The following CYP39A1 variants were observed in gnomAD, a reference collection of about 807,000 sequenced individuals.
CYP39A1 encodes the protein cytochrome P450 family 39 subfamily A member 1, also known as 24-hydroxycholesterol 7-alpha-hydroxylase.
In CYP39A1, 49 loss-of-function variants were observed where a neutral mutation model predicts 58.1. The observed-to-expected ratio is 0.84, with a 90% CI of 0.67 to 1.07. The LOEUF (loss-of-function observed/expected upper bound fraction) is 1.07. CYP39A1 is among the 50% of genes least tolerant of loss of function. The pLI is 0.00. For missense variants in CYP39A1, 531 were observed against 539.4 expected (o/e 0.98, Z 0.16); for synonymous variants, 209 against 187.6 (o/e 1.11, Z -0.93).
chr6:46,644,226 T>G (rs978728932), intron 1 of CYP39A1, among the ~76,000 whole-genome samples: 4 of 152,208 alleles, frequency 2.6e-5, no homozygotes, highest in South Asian at 4.1e-4. Flanking sequence ...AACAGAAGCA[T>G]TTAGTATACA....
At chr6:46,599,859 C>G (rs1368527403) in intron 7 of CYP39A1, among the ~76,000 whole-genome samples, 1 of 152,148 alleles carries the variant, frequency 6.6e-6, no homozygotes, top group Non-Finnish European at 1.5e-5. Context: ...ACACAGAACT[C>G]TTCACTTGCC....
Position 46,574,987 on chromosome 6 carries a change from C to T in CYP39A1, c.1250+12090G>A, listed in dbSNP as rs141227106. Among the ~76,000 whole-genome samples, 757 of 151,956 alleles carry T rather than the reference C, an allele frequency of 5.0e-3. 4 individuals are homozygous for T. The highest frequency in any genetic ancestry group is 0.018 in the South Asian group (88 of 4,802). On this transcript the variant is annotated intron_variant, in intron 10 of 11. Coordinates refer to ENST00000275016, the MANE Select transcript of CYP39A1 (RefSeq NM_016593.5). ...AGAGTGGACACAAAAAGGACACAGACCATAGGCTGAAAGTAGAGAAAGTTG... is the reference window on the plus strand; with the variant it reads ...AGAGTGGACACAAAAAGGACACAGATCATAGGCTGAAAGTAGAGAAAGTTG...
At chr6:46,550,682 C>T (rs991786319) in intron 11 of CYP39A1, among the ~76,000 whole-genome samples, 9 of 152,150 alleles carry the variant, frequency 5.9e-5, no homozygotes, top group African/African-American at 2.2e-4. Context: ...CACCTGAAGG[C>T]TATAGGCCTG....
At chr6:46,575,957 G>C (rs1219669663) in intron 10 of CYP39A1, among the ~76,000 whole-genome samples, 1 of 152,148 alleles carries the variant, frequency 6.6e-6, no homozygotes, top group East Asian at 1.9e-4. Context: ...AATTTATGAA[G>C]AAAAAAGGTT....
intron 6 of CYP39A1, among the ~76,000 whole-genome samples, chr6:46,627,629 A>G (rs966850388): frequency 5.3e-5 from 8 of 152,058 alleles, no homozygotes; most frequent in African/African-American, 1.9e-4. Context: ...CGTGTTAGCT[A>G]GGATGATCTC....
At chr6:46,550,493 A>C (rs1345998773) in intron 11 of CYP39A1, 56 bp from the exon 12 acceptor site, 15 of 1,492,278 alleles carry the variant, frequency 1.0e-5, no homozygotes, top group Non-Finnish European at 1.4e-5. Flanking sequence ...CCACAGTTTC[A>C]GACCTAAGGT....
chr6:46,636,144 G>A (rs577326705), intron 5 of CYP39A1, among the ~76,000 whole-genome samples: 6 of 152,214 alleles, frequency 3.9e-5, no homozygotes, highest in Admixed American at 2.0e-4. Context: ...AAATCAATAC[G>A]GAACATCGGA....
chr6:46,650,521 A>ATTTTTTTT (rs1762619742), intron 1 of CYP39A1, among the ~76,000 whole-genome samples: 1 of 65,104 alleles, frequency 1.5e-5, no homozygotes, highest in East Asian at 4.2e-4. Flanking sequence ...TTTTTTTTTA[A>ATTTTTTTT]GAGACAAGGT....
chr6:46,608,033 A>T (rs1490014884), intron 7 of CYP39A1, among the ~76,000 whole-genome samples: 1 of 152,238 alleles, frequency 6.6e-6, no homozygotes, highest in East Asian at 1.9e-4. Context: ...GAGATAATAG[A>T]TGAAAAACAA....
At chr6:46,638,677 A>C (rs546541895) in intron 3 of CYP39A1, among the ~76,000 whole-genome samples, 1 of 152,270 alleles carries the variant, frequency 6.6e-6, no homozygotes, top group Non-Finnish European at 1.5e-5. Context: ...GGTATGCTTC[A>C]GCACATTTTT....
At chr6:46,554,990 A>G (rs190939941) in intron 10 of CYP39A1, among the ~76,000 whole-genome samples, 55 of 152,076 alleles carry the variant, frequency 3.6e-4, no homozygotes, top group African/African-American at 1.3e-3. Context: ...CTACCACTGG[A>G]GTAAACTTTC....
chr6:46,647,705 T>C (rs1305525239), intron 1 of CYP39A1, among the ~76,000 whole-genome samples: 2 of 152,230 alleles, frequency 1.3e-5, no homozygotes, highest in African/African-American at 2.4e-5. Context: ...TTTGGGACAC[T>C]GTGTTTTCAA....
chr6:46,596,564 C>CT (rs371753190), intron 7 of CYP39A1, among the ~76,000 whole-genome samples: 3,834 of 149,066 alleles, frequency 0.026, 153 homozygotes, highest in African/African-American at 0.084. Flanking sequence ...TTTTGAATTG[C>CT]TTTTTTTTTT....
Position 46,550,308 on chromosome 6 carries a change from C to A in CYP39A1, c.*58G>T. 1 of 1,435,578 alleles carries A rather than the reference C, an allele frequency of 7.0e-7. No homozygotes were observed. Among genetic ancestry groups the A allele is most frequent in the South Asian group, 1.2e-5 (1 of 83,340 alleles). 88.9% of individuals were successfully genotyped at this position (1,435,578 alleles called of 1,614,324 possible). A position where few individuals can be genotyped will look rare whatever the true frequency, so the allele number is the denominator to read the frequency against. On this transcript the variant is annotated 3_prime_UTR_variant, in exon 12 of 12. Transcript: ENST00000275016. ...TGTAGAGCTCAGGTCTAGGTGCTGC[C>A]AGGTGGGGTAGTGCCACTCCTCCAG...
Position 46,639,980 on chromosome 6 carries a change from C to T in CYP39A1, c.314-312G>A, listed in dbSNP as rs61012228. 5.4e-3 allele frequency among the ~76,000 whole-genome samples: 819 copies of T among 152,146 alleles called. 7 individuals carry two copies. Among genetic ancestry groups the T allele is most frequent in the African/African-American group, 0.019 (774 of 41,526 alleles). ...AAATAGGAAAATTAGCCGGCTGTGGCGGGCACCTGTAATCCCAGCTACTGG... is the reference window on the plus strand; with the variant it reads ...AAATAGGAAAATTAGCCGGCTGTGGTGGGCACCTGTAATCCCAGCTACTGG... On this transcript the variant is annotated intron_variant, in intron 2 of 11. Coordinates refer to ENST00000275016, the MANE Select transcript of CYP39A1 (RefSeq NM_016593.5).
intron 7 of CYP39A1, among the ~76,000 whole-genome samples, chr6:46,610,546 T>C (rs1774150949): frequency 6.6e-6 from 1 of 152,192 alleles, no homozygotes; most frequent in African/African-American, 2.4e-5. Flanking sequence ...AATCTCACTA[T>C]GTTGCCCAGG....
chr6:46,598,612 G>A (rs1773310884), intron 7 of CYP39A1, among the ~76,000 whole-genome samples: 1 of 152,116 alleles, frequency 6.6e-6, no homozygotes, highest in Admixed American at 6.5e-5. Context: ...TTCTTTATTT[G>A]AAAAGTGGCT....
intron 5 of CYP39A1, among the ~76,000 whole-genome samples, chr6:46,632,246 ATTG>A (rs1004711680): frequency 5.7e-4 from 87 of 152,324 alleles, no homozygotes; most frequent in African/African-American, 2.0e-3. Flanking sequence ...GGATTACATA[ATTG>A]TTGTGCAATC....
rs1056371965 is a variant in CYP39A1, at chr6:46,594,974, CA to C, written c.1065+1012del. Among the ~76,000 whole-genome samples, 408 of 151,126 alleles carry C rather than the reference CA, an allele frequency of 2.7e-3. 2 individuals carry two copies. The highest frequency in any genetic ancestry group is 0.011 in the Admixed American group (172 of 15,128). On this transcript the variant is annotated intron_variant, in intron 8 of 11. Coordinates refer to ENST00000275016, the MANE Select transcript of CYP39A1 (RefSeq NM_016593.5). Reference sequence around the variant, plus strand: ...ACAACTCACTAGTAAAAAACAAAAACAAAAAAAATGATTTTTAAAAATTGGC... The same window carrying C: ...ACAACTCACTAGTAAAAAACAAAAACAAAAAAATGATTTTTAAAAATTGGC...
Sources: gnomAD v4.1 joint callset for allele counts (sites outside exome capture counted in the v4.1 genomes callset) on GRCh38, gnomAD v4.1.1 for gene constraint, MANE v1.5 for transcripts, NCBI Gene and HGNC (gene_info 2026-07-23, HGNC 2026-07-21) for gene names.